HDAC9: variants seen among roughly 807,000 people sequenced by gnomAD.
HDAC9 encodes the protein histone deacetylase 9, also known as MEF-2 interacting transcription repressor (MITR) protein.
A neutral mutation model predicts 139.4 loss-of-function variants in HDAC9; 41 were observed. The ratio of observed to expected loss-of-function variants is 0.29; its 90% confidence interval spans 0.23 to 0.38. The LOEUF is 0.38. Ranked by LOEUF, HDAC9 falls within the 10% of genes least tolerant of loss-of-function variation. HDAC9 has a pLI of 1.00. For synonymous variants in HDAC9, 517 were observed against 476.2 expected (o/e 1.09, Z -1.12); for missense variants, 1,147 against 1,297.0 (o/e 0.88, Z 1.78).
intron 1 of HDAC9, among the ~76,000 whole-genome samples, chr7:18,428,065 T>C (rs1190064820): frequency 6.6e-6 from 1 of 152,226 alleles, no homozygotes; most frequent in African/African-American, 2.4e-5. Context: ...TGGCAGGACT[T>C]CCATTTTTTT....
At chr7:18,803,224 A>G (rs1009437582) in intron 17 of HDAC9, among the ~76,000 whole-genome samples, 1 of 151,866 alleles carries the variant, frequency 6.6e-6, no homozygotes, top group Admixed American at 6.6e-5. Flanking sequence ...TTTTTTTCCC[A>G]CCAACAATAC....
intron 2 of HDAC9, among the ~76,000 whole-genome samples, chr7:18,509,843 A>G (rs146630944): frequency 1.3e-4 from 19 of 151,994 alleles, no homozygotes; most frequent in African/African-American, 4.6e-4. Flanking sequence ...GTGACTGTGT[A>G]TGTGTGTCCT....
intron 2 of HDAC9, among the ~76,000 whole-genome samples, chr7:18,497,573 G>A (rs887614498): frequency 1.1e-4 from 17 of 152,130 alleles, no homozygotes; most frequent in South Asian, 2.1e-4. Context: ...TTATGTTAAT[G>A]AATAGTGCCT....
chr7:18,541,350 G>A (rs1012999465), intron 2 of HDAC9, among the ~76,000 whole-genome samples: 1 of 151,970 alleles, frequency 6.6e-6, no homozygotes, highest in African/African-American at 2.4e-5. Flanking sequence ...CCAGAAGAGC[G>A]AAAGTAGCTC....
intron 9 of HDAC9, among the ~76,000 whole-genome samples, chr7:18,646,742 G>A (rs1410681575): frequency 6.6e-6 from 1 of 152,222 alleles, no homozygotes; most frequent in East Asian, 1.9e-4. Flanking sequence ...TTAGAGTCCT[G>A]CTTTTGTAAT....
chr7:18,588,672 C>A (rs866407366), intron 3 of HDAC9, among the ~76,000 whole-genome samples: 1 of 151,974 alleles, frequency 6.6e-6, no homozygotes, highest in African/African-American at 2.4e-5. Flanking sequence ...CATGTCTTGC[C>A]CACACACACA....
chr7:18,154,881 C>T (rs962247071), intron 1 of HDAC9, among the ~76,000 whole-genome samples: 1 of 152,144 alleles, frequency 6.6e-6, no homozygotes, highest in African/African-American at 2.4e-5. Context: ...CCAGGGGAGA[C>T]GGGTTCTTTT....
intron 17 of HDAC9, among the ~76,000 whole-genome samples, chr7:18,799,038 AAGACACACACACAC>A (rs56033939): frequency 0.066 from 9,430 of 143,508 alleles, 426 homozygotes; most frequent in African/African-American, 0.081. Flanking sequence ...AATGTGCCCT[AAGACACACACACAC>A]ACACACACAC....
intron 2 of HDAC9, among the ~76,000 whole-genome samples, chr7:18,573,841 T>C (rs954363401): frequency 8.6e-5 from 13 of 151,864 alleles, no homozygotes; most frequent in African/African-American, 3.1e-4. Context: ...CCAAAGAGAG[T>C]GTCACAGCCC....
intron 23 of HDAC9, among the ~76,000 whole-genome samples, chr7:18,938,467 C>T (rs935057004): frequency 3.3e-5 from 5 of 151,528 alleles, no homozygotes; most frequent in African/African-American, 4.8e-5. Context: ...TGTTGGCAGG[C>T]GCCTGTAGTC....
chr7:18,696,069 A>G (rs1012275191), intron 12 of HDAC9, among the ~76,000 whole-genome samples: 1 of 152,084 alleles, frequency 6.6e-6, no homozygotes, highest in African/African-American at 2.4e-5. Flanking sequence ...TGTATGAAAC[A>G]TGGTTAAAAT....
intron 1 of HDAC9, among the ~76,000 whole-genome samples, chr7:18,364,565 C>G (rs1406863871): frequency 6.6e-6 from 1 of 151,986 alleles, no homozygotes; most frequent in Non-Finnish European, 1.5e-5. Flanking sequence ...AGAATGGCTC[C>G]TGGACCAGCA....
intron 6 of HDAC9, among the ~76,000 whole-genome samples, chr7:18,598,131 TCCTC>T (rs2128863294): frequency 6.6e-6 from 1 of 152,248 alleles, no homozygotes; most frequent in East Asian, 1.9e-4. Context: ...GAATATCTCT[TCCTC>T]TCTCTCTCCC....
intron 1 of HDAC9, among the ~76,000 whole-genome samples, chr7:18,386,245 C>A (rs551987552): frequency 6.6e-6 from 1 of 152,126 alleles, no homozygotes; most frequent in Non-Finnish European, 1.5e-5. Context: ...TTTCTGGCAG[C>A]CCCATAATGT....
At chr7:18,806,055 G>T (rs1793678487) in intron 17 of HDAC9, among the ~76,000 whole-genome samples, 1 of 152,152 alleles carries the variant, frequency 6.6e-6, no homozygotes, top group Non-Finnish European at 1.5e-5. Flanking sequence ...CAATGAGGCT[G>T]AACTGGACTT....
chr7:18,958,240 A>T (rs1251326491), intron 24 of HDAC9, among the ~76,000 whole-genome samples: 1 of 152,192 alleles, frequency 6.6e-6, no homozygotes, highest in Admixed American at 6.5e-5. Context: ...TTCCATCTTA[A>T]CATGATAGAT....
At chr7:18,654,237 A>G (rs999055541) in intron 11 of HDAC9, among the ~76,000 whole-genome samples, 1 of 152,140 alleles carries the variant, frequency 6.6e-6, no homozygotes, top group African/African-American at 2.4e-5. Flanking sequence ...AGCAAATTAA[A>G]TGTTAAGTAT....
intron 12 of HDAC9, among the ~76,000 whole-genome samples, chr7:18,704,652 T>A (rs952416917): frequency 6.6e-5 from 10 of 152,202 alleles, no homozygotes; most frequent in African/African-American, 2.4e-4. Flanking sequence ...AAATGAAGAA[T>A]TTGAAGTTTA....
chr7:18,990,640 C>T (rs1785821983), intron 25 of HDAC9, among the ~76,000 whole-genome samples: 1 of 152,246 alleles, frequency 6.6e-6, no homozygotes, highest in South Asian at 2.1e-4. Context: ...GGCGCCCCTC[C>T]CCCAGCCTGG....
Sources: gnomAD v4.1 joint callset for allele counts (sites outside exome capture counted in the v4.1 genomes callset) on GRCh38, gnomAD v4.1.1 for gene constraint, MANE v1.5 for transcripts, NCBI Gene and HGNC (gene_info 2026-07-23, HGNC 2026-07-21) for gene names.